The following TMEM14C variants were observed in gnomAD, a reference collection of about 807,000 sequenced individuals.
TMEM14C encodes the protein chromosome 6 open reading frame 53.
A neutral mutation model predicts 14.8 loss-of-function variants in TMEM14C; 13 were observed. That is an observed-to-expected ratio of 0.88 (90% confidence interval 0.57 to 1.40). TMEM14C has a LOEUF of 1.40. Among genes scored for constraint, TMEM14C ranks in the 40% most tolerant of loss-of-function variants. The pLI is 0.00. For synonymous variants in TMEM14C, 57 were observed against 51.3 expected (o/e 1.11, Z -0.48); for missense variants, 142 against 138.8 (o/e 1.02, Z -0.12).
At position 10,730,668 on chromosome 6, in the gene TMEM14C, A is replaced by T. The variant is rs557178582; in HGVS notation, c.*2A>T. ...AGTATGTTCAACAGACCCCATTAGC[A>T]GAAGTCATGTTCCAGCTTAGACTGA... On this transcript the variant is annotated 3_prime_UTR_variant, in exon 6 of 6. Transcript: ENST00000229563. 6.2e-7 allele frequency: 1 copy of T among 1,609,292 alleles called. No homozygotes were observed. The highest frequency in any genetic ancestry group is 2.2e-5 in the East Asian group (1 of 44,846).
intron 1 of TMEM14C, 139 bp from the exon 2 acceptor site, chr6:10,724,431 A>T (rs921526858): frequency 1.9e-5 from 12 of 618,952 alleles, no homozygotes; most frequent in Admixed American, 1.4e-4. Context: ...GCCCCAGGAA[A>T]TCGGTACCAG....
chr6:10,728,261 A>G (rs933381579), intron 4 of TMEM14C, among the ~76,000 whole-genome samples: 7 of 152,252 alleles, frequency 4.6e-5, no homozygotes, highest in African/African-American at 1.7e-4. Flanking sequence ...CTTGACATGT[A>G]GTAGGTGCTT....
Position 10,730,809 on chromosome 6 carries a change from G to A in TMEM14C, c.*143G>A, listed in dbSNP as rs1771002471. On this transcript the variant is annotated 3_prime_UTR_variant, in exon 6 of 6. Coordinates refer to ENST00000229563, the MANE Select transcript of TMEM14C (RefSeq NM_016462.4). The stretch of plus-strand genomic sequence containing the variant: ...AAAAGACACCAAACTTGGCAGAGAG[G>A]TGGAAAATCAGTCATGATTACAAAC... The A allele has an allele frequency of 4.4e-6, 6 of 1,355,992 alleles. No individual in the cohort carries two copies. Among genetic ancestry groups the A allele is most frequent in the Middle Eastern group, 2.0e-4 (1 of 4,892 alleles). 84.0% of individuals were successfully genotyped at this position (1,355,992 alleles called of 1,614,324 possible). A position where few individuals can be genotyped will look rare whatever the true frequency, so the allele number is the denominator to read the frequency against.
chr6:10,728,925 C>G, intron 5 of TMEM14C, 198 bp downstream of exon 5: 1 of 1,294,338 alleles, frequency 7.7e-7, no homozygotes, highest in Non-Finnish European at 1.1e-6. Context: ...ATCCATTCAC[C>G]GTGGAAATGG....
At chr6:10,725,785 G>T in intron 3 of TMEM14C, 122 bp from the exon 4 acceptor site, 3 of 1,167,920 alleles carry the variant, frequency 2.6e-6, no homozygotes, top group East Asian at 2.5e-5. Context: ...AGTCCACCTT[G>T]GCTATGAGCT....
At chr6:10,723,892 C>T (rs892730735) in intron 1 of TMEM14C, among the ~76,000 whole-genome samples, 1 of 152,220 alleles carries the variant, frequency 6.6e-6, no homozygotes, top group African/African-American at 2.4e-5. Flanking sequence ...GCGTCAGCCA[C>T]TGCGCTTGGC....
At chr6:10,727,708 T>G (rs56760314) in intron 4 of TMEM14C, among the ~76,000 whole-genome samples, 2 of 151,614 alleles carry the variant, frequency 1.3e-5, no homozygotes, top group African/African-American at 4.8e-5. Flanking sequence ...GTAGTCCGAG[T>G]TACTCAGGAG....
In TMEM14C at chr6:10,730,602, T is replaced by C; in HGVS notation, c.288-13T>C. 6 of 1,611,318 alleles carry C rather than the reference T, an allele frequency of 3.7e-6. No homozygotes were observed. The highest frequency in any genetic ancestry group is 5.1e-6 in the Non-Finnish European group (6 of 1,178,294). On this transcript the variant is annotated splice_polypyrimidine_tract_variant and intron_variant, in intron 5 of 5. Transcript: ENST00000229563. ...CTTTACCTGACATTTTCTATCTTGT[T>C]TCTTTTAAACAGTTTGCTGATGGTC...
chr6:10,729,822 G>T (rs960986967), intron 5 of TMEM14C, among the ~76,000 whole-genome samples: 16 of 152,204 alleles, frequency 1.1e-4, no homozygotes, highest in African/African-American at 3.9e-4. Context: ...TGTAGGCCAG[G>T]TGTGGTGGCT....
At position 10,725,943 on chromosome 6, in the gene TMEM14C, G is replaced by T. The variant is rs1349565156; in HGVS notation, c.134G>T (p.Gly45Val). Residue 45 changes from glycine to valine, a missense_variant, in exon 4 of 6, where the codon GGC becomes GTC. Transcript: ENST00000229563. ...TCCCTGGCTGCAGGGCTGCTCTTTGGCAGTCTAGCCGGCCTGGGTGCTTAC... is the reference window on the plus strand; with the variant it reads ...TCCCTGGCTGCAGGGCTGCTCTTTGTCAGTCTAGCCGGCCTGGGTGCTTAC... Reference protein sequence around the residue: ...VPSLAAGLLFGSLAGLGAYQL... With the variant: ...VPSLAAGLLFVSLAGLGAYQL... 4 of 1,613,950 alleles carry T rather than the reference G, an allele frequency of 2.5e-6. No homozygotes were observed. Among genetic ancestry groups the T allele is most frequent in the Non-Finnish European group, 2.5e-6 (3 of 1,180,026 alleles).
At position 10,724,456 on chromosome 6, in the gene TMEM14C, T is replaced by TA. The variant is rs575977747; in HGVS notation, c.-44-113dup. The stretch of plus-strand genomic sequence containing the variant: ...ATCGGTACCAGTGTTATCCTCATGG[T>TA]ACAGTGAAGAATACTGAGACTTAGG... On this transcript the variant is annotated intron_variant, in intron 1 of 5. Transcript: ENST00000229563. 1.1e-3 allele frequency: 772 copies of TA among 684,940 alleles called. 2 individuals are homozygous for TA. Among genetic ancestry groups the TA allele is most frequent in the Admixed American group, 2.9e-3 (124 of 42,448 alleles). The allele number at this position is 684,940 out of a possible 1,614,324, so 42.4% of individuals were successfully genotyped here. A position where few individuals can be genotyped will look rare whatever the true frequency, so the allele number is the denominator to read the frequency against.
chr6:10,730,556 A>T, intron 5 of TMEM14C, 59 bp from the exon 6 acceptor site: 2 of 1,557,006 alleles, frequency 1.3e-6, no homozygotes, highest in East Asian at 2.3e-5. Flanking sequence ...GTTCCTTAAA[A>T]ACATAGTTGC....
At chr6:10,724,754 C>T (rs1770806023) in intron 2 of TMEM14C, 121 bp downstream of exon 2, 2 of 1,329,032 alleles carry the variant, frequency 1.5e-6, no homozygotes, top group Non-Finnish European at 2.1e-6. Context: ...GGGAGGATCA[C>T]TGGACCTGTG....
At chr6:10,724,452 A>G (rs1770794876) in intron 1 of TMEM14C, 118 bp from the exon 2 acceptor site, 4 of 671,376 alleles carry the variant, frequency 6.0e-6, no homozygotes, top group South Asian at 5.4e-5. Flanking sequence ...TGTTATCCTC[A>G]TGGTACAGTG....
At chr6:10,729,933 A>G (rs779060331) in intron 5 of TMEM14C, among the ~76,000 whole-genome samples, 19 of 152,124 alleles carry the variant, frequency 1.2e-4, no homozygotes, top group Non-Finnish European at 2.4e-4. Context: ...CCCCATCTCT[A>G]TGAAAAATAC....
intron 4 of TMEM14C, 131 bp from the exon 5 acceptor site, chr6:10,728,509 A>G: frequency 1.0e-6 from 1 of 980,198 alleles, no homozygotes; most frequent in Non-Finnish European, 1.5e-6. Flanking sequence ...AGTCTCCCCG[A>G]CTTGGGGAAA....
Position 10,724,991 on chromosome 6 carries a change from C to T in TMEM14C, c.51C>T (p.Tyr17=), listed in dbSNP as rs912812488. Residue 17 remains tyrosine, a synonymous_variant, in exon 3 of 6, where the codon TAC becomes TAT. Coordinates refer to ENST00000229563, the MANE Select transcript of TMEM14C (RefSeq NM_016462.4). ...CTTTGCATTGGTTTGGCTTTGGCTA[C>T]GCAGCACTGGTTGCTTCTGGTGGGA... ...VVPLHWFGFG[Y]AALVASGGII... The T allele has an allele frequency of 1.3e-5, 21 of 1,614,104 alleles. No homozygotes were observed. Among genetic ancestry groups the T allele is most frequent in the Admixed American group, 6.7e-5 (4 of 60,008 alleles).
chr6:10,726,467 G>T (rs1196690581), intron 4 of TMEM14C, among the ~76,000 whole-genome samples: 3 of 152,182 alleles, frequency 2.0e-5, no homozygotes, highest in Admixed American at 2.0e-4. Context: ...CGAGGCAAGT[G>T]GATTACAAGG....
chr6:10,725,135 G>C lies in TMEM14C; in HGVS notation c.97+98G>C, dbSNP rs1325265504. The C allele has an allele frequency of 6.1e-6, 9 of 1,466,488 alleles. No homozygotes were observed. The Admixed American group carries it at 8.4e-5, about 14-fold the overall frequency. 90.8% of individuals were successfully genotyped at this position (1,466,488 alleles called of 1,614,324 possible). A position where few individuals can be genotyped will look rare whatever the true frequency, so the allele number is the denominator to read the frequency against. ...TGAGAAGCAATCTCATTTGAGTCAG[G>C]TTTGCTGTGGGTCCCCAAGCTGGAG... On this transcript the variant is annotated intron_variant, in intron 3 of 5. Transcript: ENST00000229563.
Sources: gnomAD v4.1 joint callset for allele counts (sites outside exome capture counted in the v4.1 genomes callset) on GRCh38, gnomAD v4.1.1 for gene constraint, MANE v1.5 for transcripts, NCBI Gene and HGNC (gene_info 2026-07-23, HGNC 2026-07-21) for gene names.